Variants in NALF1 observed in about 807,000 individuals in gnomAD.
NALF1 encodes NALCN channel auxiliary factor 1.
NALF1 carries 3 observed loss-of-function variants against 48.4 expected under a neutral mutation model. That is an observed-to-expected ratio of 0.06 (90% CI 0.03 to 0.16). The LOEUF is 0.16. NALF1 is among the 10% of genes least tolerant of loss of function. NALF1 has a pLI of 1.00. For missense variants in NALF1, 526 were observed against 571.5 expected, an observed-to-expected ratio of 0.92 and a Z score of 0.81; for synonymous variants, 262 against 245.7, an observed-to-expected ratio of 1.07 and a Z score of -0.62.
intron 1 of NALF1, among the ~76,000 whole-genome samples, chr13:107,247,506 T>C (rs1880608420): frequency 6.6e-6 from 1 of 152,188 alleles, no homozygotes; most frequent in African/African-American, 2.4e-5. Flanking sequence ...AGGCAACTTT[T>C]AAAAATCCTT....
chr13:107,381,091 T>TATATATGAAATAAAATATATATTC (rs1041257464), intron 1 of NALF1, among the ~76,000 whole-genome samples: 242 of 148,474 alleles, frequency 1.6e-3, no homozygotes, highest in African/African-American at 5.6e-3. Context: ...AATATATTCA[T>TATATATGAAATAAAATATATATTC]ATATATGAAA....
chr13:107,389,248 T>C (rs996150390), intron 1 of NALF1, among the ~76,000 whole-genome samples: 57 of 152,272 alleles, frequency 3.7e-4, no homozygotes, highest in African/African-American at 1.3e-3. Context: ...CTGTTATGAG[T>C]TGAATTGTGT....
Position 107,206,448 on chromosome 13 carries a change from G to A in NALF1, c.1087+4136C>T, listed in dbSNP as rs866821735. ...GCTTACTAAAGGATCATAGGTAGCA[G>A]ATGATCAAAAATATATACATTTAAA... On this transcript the variant is annotated intron_variant, in intron 2 of 2. Transcript: ENST00000375915. 7.9e-5 allele frequency among the ~76,000 whole-genome samples: 12 copies of A among 152,140 alleles called. No individual in the cohort carries two copies. The South Asian group carries it at 2.1e-3, about 26-fold the overall frequency.
chr13:107,207,375 C>T (rs1488507678), intron 2 of NALF1, among the ~76,000 whole-genome samples: 1 of 152,070 alleles, frequency 6.6e-6, no homozygotes, highest in Admixed American at 6.6e-5. Context: ...ATTTAAAAAT[C>T]CGTGTACATT....
At chr13:107,413,551 C>T (rs1023604880) in intron 1 of NALF1, among the ~76,000 whole-genome samples, 1 of 151,980 alleles carries the variant, frequency 6.6e-6, no homozygotes, top group African/African-American at 2.4e-5. Flanking sequence ...TAAAATTACA[C>T]GATGTGTAAT....
At chr13:107,454,535 C>A (rs1392210351) in intron 1 of NALF1, among the ~76,000 whole-genome samples, 1 of 152,138 alleles carries the variant, frequency 6.6e-6, no homozygotes, top group African/African-American at 2.4e-5. Context: ...ACTATCTCCA[C>A]TTGGTCTCTC....
intron 1 of NALF1, among the ~76,000 whole-genome samples, chr13:107,862,098 G>A (rs918087781): frequency 1.3e-5 from 2 of 152,180 alleles, no homozygotes; most frequent in Admixed American, 6.5e-5. Context: ...CTAAAGTACA[G>A]ATGGTACAAT....
At chr13:107,799,480 A>T (rs369339967) in intron 1 of NALF1, among the ~76,000 whole-genome samples, 13 of 152,320 alleles carry the variant, frequency 8.5e-5, no homozygotes, top group African/African-American at 3.1e-4. Context: ...ATATTTGAAC[A>T]TGGAAATGAT....
chr13:107,767,906 G>A (rs1877459460), intron 1 of NALF1, among the ~76,000 whole-genome samples: 1 of 152,166 alleles, frequency 6.6e-6, no homozygotes, highest in Admixed American at 6.5e-5. Flanking sequence ...ATTAAAGAGT[G>A]GGGAGAGATG....
chr13:107,311,457 T>C (rs1011629320), intron 1 of NALF1, among the ~76,000 whole-genome samples: 2 of 152,086 alleles, frequency 1.3e-5, no homozygotes, highest in African/African-American at 4.8e-5. Flanking sequence ...CATTTTTGTA[T>C]ACAGAGGTTT....
chr13:107,308,918 A>T (rs1313172068), intron 1 of NALF1, among the ~76,000 whole-genome samples: 2 of 152,168 alleles, frequency 1.3e-5, no homozygotes, highest in Non-Finnish European at 2.9e-5. Context: ...ACTCTGTCTT[A>T]TCTGCTCATT....
intron 1 of NALF1, among the ~76,000 whole-genome samples, chr13:107,765,966 C>G (rs1031635303): frequency 7.2e-5 from 11 of 151,970 alleles, no homozygotes; most frequent in Non-Finnish European, 7.4e-5. Context: ...TCACATTGCT[C>G]TCTTTTTAAA....
At chr13:107,402,334 C>G (rs1268026805) in intron 1 of NALF1, among the ~76,000 whole-genome samples, 2 of 152,176 alleles carry the variant, frequency 1.3e-5, no homozygotes, top group Non-Finnish European at 2.9e-5. Flanking sequence ...CTAGCAACCA[C>G]AGAGCTTGGG....
intron 1 of NALF1, among the ~76,000 whole-genome samples, chr13:107,507,777 T>C (rs1221900497): frequency 2.6e-5 from 4 of 152,062 alleles, no homozygotes; most frequent in Non-Finnish European, 5.9e-5. Flanking sequence ...AGGAAATAAC[T>C]AGACCTGATG....
chr13:107,458,009 A>G (rs1884852370), intron 1 of NALF1, among the ~76,000 whole-genome samples: 1 of 145,720 alleles, frequency 6.9e-6, no homozygotes, highest in Admixed American at 6.8e-5. Flanking sequence ...AATCTCTCAT[A>G]CTCTATCCCC....
At chr13:107,565,597 A>C (rs1263583746) in intron 1 of NALF1, among the ~76,000 whole-genome samples, 2 of 152,156 alleles carry the variant, frequency 1.3e-5, no homozygotes, top group Non-Finnish European at 2.9e-5. Flanking sequence ...GCCTGATCTG[A>C]CACAAATTCA....
At chr13:107,247,492 A>AT (rs1417120417) in intron 1 of NALF1, among the ~76,000 whole-genome samples, 4 of 152,224 alleles carry the variant, frequency 2.6e-5, no homozygotes, top group African/African-American at 9.6e-5. Flanking sequence ...AAATTCTAAT[A>AT]TAAAGGCAAC....
chr13:107,263,462 C>T (rs1217144492), intron 1 of NALF1, among the ~76,000 whole-genome samples: 7 of 152,196 alleles, frequency 4.6e-5, no homozygotes, highest in South Asian at 2.1e-4. Context: ...GTGGCCCCAC[C>T]GAAATCTCAT....
chr13:107,348,786 GT>G (rs1431540067), intron 1 of NALF1, among the ~76,000 whole-genome samples: 3 of 152,180 alleles, frequency 2.0e-5, no homozygotes, highest in Non-Finnish European at 4.4e-5. Context: ...TAAATATGTA[GT>G]ATAGTTTTAT....
Sources: allele counts gnomAD v4.1 joint callset (sites outside exome capture counted in the v4.1 genomes callset), GRCh38; gene constraint gnomAD v4.1.1; transcripts MANE v1.5; gene names NCBI Gene and HGNC (gene_info 2026-07-23, HGNC 2026-07-21).